The following NXN variants were observed in gnomAD, a reference collection of about 807,000 sequenced individuals.
NXN encodes the protein nucleoredoxin.
In NXN, 16 loss-of-function variants were observed where a neutral mutation model predicts 48.6. The ratio of observed to expected loss-of-function variants is 0.33; its 90% CI spans 0.22 to 0.50. The LOEUF (loss-of-function observed/expected upper bound fraction) is 0.50. NXN is among the 20% of genes least tolerant of loss of function. The pLI, the probability that NXN is intolerant of heterozygous loss-of-function variation, is 0.98. For synonymous variants in NXN, 281 were observed against 269.6 expected (o/e 1.04, Z -0.41); for missense variants, 492 against 605.5 (o/e 0.81, Z 1.97).
chr17:926,679 C>G (rs779926273), intron 1 of NXN, among the ~76,000 whole-genome samples: 1 of 151,678 alleles, frequency 6.6e-6, no homozygotes, highest in Non-Finnish European at 1.5e-5. Context: ...CCGAGTAGCT[C>G]AGACCACAGG....
At chr17:817,266 T>C (rs78758760) in intron 5 of NXN, among the ~76,000 whole-genome samples, 8,030 of 152,294 alleles carry the variant, frequency 0.053, 273 homozygotes, top group Middle Eastern at 0.11. Context: ...GATTCTCATA[T>C]GTACTTGGGA....
chr17:959,246 C>T (rs1388634989), intron 1 of NXN: 5 of 759,158 alleles, frequency 6.6e-6, no homozygotes, highest in Non-Finnish European at 9.4e-6. Context: ...AGCTCCCAGC[C>T]CCTCCAAAGC....
chr17:884,138 A>G (rs1000236115), intron 1 of NXN, among the ~76,000 whole-genome samples: 2 of 152,112 alleles, frequency 1.3e-5, no homozygotes, highest in African/African-American at 2.4e-5. Context: ...GGAGAATGGC[A>G]TGAACCTGGG....
intron 1 of NXN, among the ~76,000 whole-genome samples, chr17:887,053 C>T (rs915234974): frequency 1.3e-5 from 2 of 151,844 alleles, no homozygotes; most frequent in East Asian, 1.9e-4. Flanking sequence ...GACTACAAGG[C>T]GTGAACCACC....
At chr17:907,648 C>T (rs200294228) in intron 1 of NXN, 1 of 38,000 alleles carries the variant, frequency 2.6e-5, no homozygotes, top group Admixed American at 4.2e-4. Flanking sequence ...GTCTGAAATA[C>T]AGTAATGTTT....
At chr17:948,537 C>G (rs954138998) in intron 1 of NXN, among the ~76,000 whole-genome samples, 2 of 151,990 alleles carry the variant, frequency 1.3e-5, no homozygotes, top group Admixed American at 6.6e-5. Flanking sequence ...GTACAGGGCC[C>G]GGCCCTGCGC....
At chr17:916,278 C>A (rs542944360) in intron 1 of NXN, among the ~76,000 whole-genome samples, 1 of 152,222 alleles carries the variant, frequency 6.6e-6, no homozygotes, top group African/African-American at 2.4e-5. Context: ...CTGTGAGGTT[C>A]CCGTGGTGCA....
intron 7 of NXN, among the ~76,000 whole-genome samples, chr17:802,158 G>C (rs1174813136): frequency 2.0e-5 from 3 of 151,944 alleles, no homozygotes; most frequent in African/African-American, 2.4e-5. Flanking sequence ...GTCTCTTTCT[G>C]TTGCCCCAGC....
intron 1 of NXN, among the ~76,000 whole-genome samples, chr17:879,282 TTTTTGG>T (rs869279517): frequency 6.8e-6 from 1 of 146,108 alleles, no homozygotes; most frequent in Admixed American, 6.8e-5. Flanking sequence ...TGGTTTTTGG[TTTTTGG>T]TTTTTTGTTT....
chr17:913,485 A>C (rs957546592), intron 1 of NXN, among the ~76,000 whole-genome samples: 4 of 152,246 alleles, frequency 2.6e-5, no homozygotes, highest in African/African-American at 7.2e-5. Flanking sequence ...GAGACTCCTC[A>C]ACACGACAGA....
chr17:884,772 T>C (rs1226450723), intron 1 of NXN, among the ~76,000 whole-genome samples: 1 of 152,152 alleles, frequency 6.6e-6, no homozygotes, highest in African/African-American at 2.4e-5. Flanking sequence ...ATTAATAAGC[T>C]AAACGGAGCT....
chr17:822,397 C>A lies in NXN; in HGVS notation c.673G>T (p.Ala225Ser). 1 of 1,614,086 alleles carries A rather than the reference C, an allele frequency of 6.2e-7. No individual in the cohort carries two copies. Among genetic ancestry groups the A allele is most frequent in the Non-Finnish European group, 8.5e-7 (1 of 1,179,982 alleles). The change falls in exon 4 of 8, where the codon GCA becomes TCA. Residue 225 changes from alanine to serine, a missense_variant. By Grantham distance (99) the Ala-to-Ser change is moderately conservative. This residue lies in a region of NXN where 303 missense variants were observed against 388.3 expected (regional missense o/e 0.78). Transcript: ENST00000336868. ...LVESYRKIKEAGQNFEIIFVS... is the reference protein window; with the variant it reads ...LVESYRKIKESGQNFEIIFVS... ...AAGATGATCTCGAAGTTCTGGCCTG[C>A]CTCCTTGATCTTCCGGTAGGATTCC... is the stretch of plus-strand genomic sequence containing the variant.
At chr17:957,257 AC>A (rs2069181227) in intron 1 of NXN, among the ~76,000 whole-genome samples, 1 of 151,758 alleles carries the variant, frequency 6.6e-6, no homozygotes, top group East Asian at 1.9e-4. Flanking sequence ...TGTGGAAAAC[AC>A]CTAGAGGAAC....
chr17:889,614 T>C (rs959515597), intron 1 of NXN, among the ~76,000 whole-genome samples: 2 of 151,026 alleles, frequency 1.3e-5, no homozygotes, highest in Admixed American at 1.3e-4. Flanking sequence ...GAGGCGGAGG[T>C]TGCAGTGAGC....
At chr17:831,113 C>T (rs1045556596) in intron 1 of NXN, among the ~76,000 whole-genome samples, 1 of 151,980 alleles carries the variant, frequency 6.6e-6, no homozygotes, top group Non-Finnish European at 1.5e-5. Context: ...AGGGCGAGAC[C>T]TAGATCACAA....
chr17:811,517 G>C (rs911629304), intron 5 of NXN, among the ~76,000 whole-genome samples: 1 of 151,818 alleles, frequency 6.6e-6, no homozygotes, highest in Non-Finnish European at 1.5e-5. Flanking sequence ...GTTGGGGGGG[G>C]GGCAGCACTC....
intron 1 of NXN, among the ~76,000 whole-genome samples, chr17:848,753 G>A (rs2067892575): frequency 6.6e-6 from 1 of 152,188 alleles, no homozygotes; most frequent in East Asian, 1.9e-4. Context: ...TGCAGATTCA[G>A]AAGCTAACAA....
chr17:918,767 T>C (rs940380649), intron 1 of NXN, among the ~76,000 whole-genome samples: 3 of 107,338 alleles, frequency 2.8e-5, no homozygotes, highest in African/African-American at 1.1e-4. Context: ...CACTCCAGCC[T>C]GGGAGACAGA....
At chr17:886,045 T>C (rs16956596) in intron 1 of NXN, among the ~76,000 whole-genome samples, 4,113 of 151,918 alleles carry the variant, frequency 0.027, 180 homozygotes, top group African/African-American at 0.093. Flanking sequence ...CAAACGCAGC[T>C]CAAAACCCTG....
Sources: allele counts gnomAD v4.1 joint callset (sites outside exome capture counted in the v4.1 genomes callset), GRCh38; gene constraint gnomAD v4.1.1; regional missense constraint gnomAD v4.1.1; transcripts MANE v1.5; gene names NCBI Gene and HGNC (gene_info 2026-07-23, HGNC 2026-07-21).